EXT1: variants seen among roughly 807,000 people sequenced by gnomAD.
EXT1 encodes exostosin-1.
EXT1 carries 20 observed loss-of-function variants against 82.5 expected under a neutral mutation model. That is an observed-to-expected ratio of 0.24 (90% confidence interval 0.17 to 0.35). The LOEUF (loss-of-function observed/expected upper bound fraction) is 0.35, where lower values mean the gene tolerates loss of function less well. EXT1 is among the 10% of genes least tolerant of loss of function. EXT1 has a pLI of 1.00. For missense variants in EXT1, 757 were observed against 936.5 expected (o/e 0.81, Z 2.50); for synonymous variants, 348 against 350.8 (o/e 0.99, Z 0.09).
intron 1 of EXT1, among the ~76,000 whole-genome samples, chr8:117,912,123 G>A (rs28357281): frequency 2.6e-5 from 4 of 152,160 alleles, no homozygotes; most frequent in South Asian, 2.1e-4. Context: ...AATGAGGCAC[G>A]ATGGCTCTGA....
chr8:118,105,062 A>ACC (rs1183069235), intron 1 of EXT1, among the ~76,000 whole-genome samples: 1 of 152,256 alleles, frequency 6.6e-6, no homozygotes, highest in East Asian at 1.9e-4. Context: ...TCACCTTACC[A>ACC]CCGTTTGCCT....
At chr8:118,078,543 A>G (rs553049436) in intron 1 of EXT1, among the ~76,000 whole-genome samples, 13 of 150,970 alleles carry the variant, frequency 8.6e-5, no homozygotes, top group Non-Finnish European at 1.8e-4. Context: ...CTAGGTCATG[A>G]CCATTTTTTG....
chr8:118,089,113 C>T (rs932698998), intron 1 of EXT1, among the ~76,000 whole-genome samples: 1 of 151,982 alleles, frequency 6.6e-6, no homozygotes, highest in Non-Finnish European at 1.5e-5. Flanking sequence ...GAAAAAAAGG[C>T]CTTAATATCA....
chr8:117,989,863 G>C (rs1815397821), intron 1 of EXT1, among the ~76,000 whole-genome samples: 1 of 152,204 alleles, frequency 6.6e-6, no homozygotes, highest in Non-Finnish European at 1.5e-5. Context: ...AAATGCACTT[G>C]CTTATGTGGA....
intron 5 of EXT1, among the ~76,000 whole-genome samples, chr8:117,820,580 C>T (rs1376065311): frequency 2.7e-5 from 4 of 147,776 alleles, no homozygotes; most frequent in African/African-American, 2.5e-5. Context: ...TCCCAGTTAT[C>T]GGGAGGCTGA....
At chr8:117,947,584 G>T (rs980307327) in intron 1 of EXT1, among the ~76,000 whole-genome samples, 1 of 152,056 alleles carries the variant, frequency 6.6e-6, no homozygotes, top group African/African-American at 2.4e-5. Context: ...GATAACTTGG[G>T]GTTCCTAGAA....
At chr8:118,000,528 G>T (rs1477356377) in intron 1 of EXT1, among the ~76,000 whole-genome samples, 1 of 152,184 alleles carries the variant, frequency 6.6e-6, no homozygotes, top group Non-Finnish European at 1.5e-5. Flanking sequence ...CTGCCTAAGA[G>T]GCAATGTCTT....
Sources: gnomAD v4.1 joint callset for allele counts (sites outside exome capture counted in the v4.1 genomes callset) on GRCh38, gnomAD v4.1.1 for gene constraint, MANE v1.5 for transcripts, NCBI Gene and HGNC (gene_info 2026-07-23, HGNC 2026-07-21) for gene names.